Variants in CCDC148 observed in about 807,000 individuals in gnomAD.
CCDC148 encodes coiled-coil domain containing 148, also known as coiled-coil domain-containing protein 148.
Under a neutral mutation model 85.7 loss-of-function variants are expected in CCDC148, and 89 were observed. That is an observed-to-expected ratio of 1.04 (90% confidence interval 0.87 to 1.24). The LOEUF is 1.24. Among genes scored for constraint, CCDC148 ranks in the 50% most tolerant of loss-of-function variants. CCDC148 has a pLI of 0.00. For missense variants in CCDC148, 692 were observed against 671.7 expected, an observed-to-expected ratio of 1.03 and a Z score of -0.33; for synonymous variants, 230 against 213.9, an observed-to-expected ratio of 1.08 and a Z score of -0.66.
At chr2:158,429,304 T>C (rs75341682) in intron 1 of CCDC148, among the ~76,000 whole-genome samples, 4,966 of 151,966 alleles carry the variant, frequency 0.033, 121 homozygotes, top group African/African-American at 0.063. Context: ...AAAAATAAGT[T>C]TGAAAGTCCT....
At chr2:158,322,084 A>C (rs1027595887) in intron 7 of CCDC148, among the ~76,000 whole-genome samples, 1 of 152,184 alleles carries the variant, frequency 6.6e-6, no homozygotes, top group Non-Finnish European at 1.5e-5. Flanking sequence ...TCTGGAAGGC[A>C]ATTTACCAAT....
chr2:158,278,998 T>C (rs1426555653), intron 9 of CCDC148, among the ~76,000 whole-genome samples: 3 of 152,198 alleles, frequency 2.0e-5, no homozygotes, highest in Admixed American at 2.0e-4. Flanking sequence ...CAGACACCAC[T>C]GCTGATAGCC....
intron 11 of CCDC148, among the ~76,000 whole-genome samples, chr2:158,201,783 TA>T (rs550047928): frequency 2.6e-5 from 4 of 152,218 alleles, no homozygotes; most frequent in South Asian, 4.1e-4. Context: ...TGGGAGGGGT[TA>T]AAAAAACATT....
At chr2:158,265,162 T>C (rs1689401615) in intron 9 of CCDC148, among the ~76,000 whole-genome samples, 1 of 152,252 alleles carries the variant, frequency 6.6e-6, no homozygotes, top group East Asian at 1.9e-4. Flanking sequence ...TAAAGCATGA[T>C]GGTGTGAATC....
At chr2:158,382,814 G>A (rs529968184) in intron 1 of CCDC148, among the ~76,000 whole-genome samples, 3 of 151,824 alleles carry the variant, frequency 2.0e-5, no homozygotes, top group South Asian at 2.1e-4. Context: ...CCAGCTACTC[G>A]GGAGGCTGAG....
chr2:158,278,971 G>A (rs1048547197), intron 9 of CCDC148, among the ~76,000 whole-genome samples: 7 of 152,104 alleles, frequency 4.6e-5, no homozygotes, highest in African/African-American at 1.4e-4. Flanking sequence ...CATGGCTCAC[G>A]AAAAACCACT....
At chr2:158,244,463 C>A (rs1688483948) in intron 10 of CCDC148, among the ~76,000 whole-genome samples, 2 of 152,166 alleles carry the variant, frequency 1.3e-5, no homozygotes, top group South Asian at 4.1e-4. Context: ...CAATCCCATT[C>A]ATAAAAGTCC....
intron 1 of CCDC148, among the ~76,000 whole-genome samples, chr2:158,370,289 A>G (rs1684385008): frequency 6.6e-6 from 1 of 152,106 alleles, no homozygotes; most frequent in South Asian, 2.1e-4. Flanking sequence ...AGCACTTAAA[A>G]TTAAATTAAA....
intron 1 of CCDC148, among the ~76,000 whole-genome samples, chr2:158,378,890 C>A (rs947864849): frequency 2.6e-5 from 4 of 152,104 alleles, no homozygotes; most frequent in African/African-American, 9.7e-5. Flanking sequence ...TCGTCAGCCA[C>A]GAGCTCTGAA....
chr2:158,429,645 G>A (rs1178707239), intron 1 of CCDC148, among the ~76,000 whole-genome samples: 1 of 152,166 alleles, frequency 6.6e-6, no homozygotes, highest in African/African-American at 2.4e-5. Context: ...GAGGGATTAA[G>A]GTAGTAATAA....
intron 9 of CCDC148, among the ~76,000 whole-genome samples, chr2:158,265,049 C>T (rs572190483): frequency 3.1e-4 from 47 of 152,144 alleles, no homozygotes; most frequent in African/African-American, 8.2e-4. Flanking sequence ...TAGCTATGAC[C>T]CCTCATATAA....
chr2:158,258,347 G>A (rs1396735566), intron 9 of CCDC148, among the ~76,000 whole-genome samples: 4 of 151,738 alleles, frequency 2.6e-5, no homozygotes, highest in African/African-American at 7.3e-5. Context: ...ACGTTTTTAT[G>A]TCACCATCAT....
chr2:158,434,821 T>C (rs757035339), intron 1 of CCDC148, among the ~76,000 whole-genome samples: 1 of 152,172 alleles, frequency 6.6e-6, no homozygotes, highest in African/African-American at 2.4e-5. Flanking sequence ...TGAGAACTAC[T>C]TGACACATGC....
intron 9 of CCDC148, among the ~76,000 whole-genome samples, chr2:158,294,842 A>C (rs1334301115): frequency 2.0e-5 from 3 of 151,398 alleles, no homozygotes; most frequent in African/African-American, 7.3e-5. Flanking sequence ...AACAAAAAAA[A>C]ACCTGCCAAA....
chr2:158,228,709 C>CA (rs1469958903), intron 10 of CCDC148, among the ~76,000 whole-genome samples: 1 of 143,352 alleles, frequency 7.0e-6, no homozygotes, highest in Non-Finnish European at 1.5e-5. Flanking sequence ...ATCGCAAGGA[C>CA]AAAAAACCAA....
rs577845473 is a variant in CCDC148 at position 158,281,324 on chromosome 2, T to A, written c.1110+28109A>T. Among the ~76,000 whole-genome samples, 7 of 152,182 alleles carry A rather than the reference T, an allele frequency of 4.6e-5. No homozygotes were observed. In the South Asian group the frequency reaches 1.5e-3, roughly 32 times the overall value. ...GAGACACAAAAAACCCTTCAAAAAA[T>A]TAATGAATCCAGGAGCTGGTTTCTT... On this transcript the variant is annotated intron_variant, in intron 9 of 13. Transcript: ENST00000283233.
intron 9 of CCDC148, among the ~76,000 whole-genome samples, chr2:158,264,646 T>C (rs918104930): frequency 6.6e-6 from 1 of 151,990 alleles, no homozygotes; most frequent in African/African-American, 2.4e-5. Context: ...GGGGCTATTA[T>C]ATCCATGCAC....
chr2:158,353,525 A>C (rs1683443126), intron 2 of CCDC148, among the ~76,000 whole-genome samples: 1 of 151,784 alleles, frequency 6.6e-6, no homozygotes, highest in Admixed American at 6.6e-5. Flanking sequence ...AAGAAGAGCT[A>C]ACTATCCTAA....
intron 11 of CCDC148, among the ~76,000 whole-genome samples, chr2:158,219,868 A>G (rs1687082426): frequency 6.6e-6 from 1 of 150,678 alleles, no homozygotes; most frequent in South Asian, 2.1e-4. Context: ...TTCCAAGGGA[A>G]CCCTCCTTCA....
Sources: allele counts gnomAD v4.1 joint callset (sites outside exome capture counted in the v4.1 genomes callset), GRCh38; gene constraint gnomAD v4.1.1; transcripts MANE v1.5; gene names NCBI Gene and HGNC (gene_info 2026-07-23, HGNC 2026-07-21).